Variants in ERCC6L2 observed in about 807,000 individuals in gnomAD.
ERCC6L2 encodes ERCC excision repair 6 like 2.
In ERCC6L2, 77 loss-of-function variants were observed where a neutral mutation model predicts 132.0. The ratio of observed to expected loss-of-function variants is 0.58; its 90% CI spans 0.49 to 0.71. ERCC6L2 has a LOEUF of 0.71. Among genes scored for constraint, ERCC6L2 ranks in the 30% least tolerant of loss-of-function variants. ERCC6L2 has a pLI of 0.00. For missense variants in ERCC6L2, 1,542 were observed against 1,837.6 expected (o/e 0.84, Z 2.94); for synonymous variants, 583 against 632.4 (o/e 0.92, Z 1.17).
intron 12 of ERCC6L2, among the ~76,000 whole-genome samples, chr9:95,946,344 C>T (rs552965776): frequency 3.3e-5 from 5 of 152,128 alleles, no homozygotes; most frequent in East Asian, 3.9e-4. Context: ...CTGGCTAACA[C>T]GGTGAAACCC....
chr9:96,013,041 A>G lies in ERCC6L2; in HGVS notation c.4491A>G (p.Ala1497=), dbSNP rs763512917. Residue 1497 remains alanine, a synonymous_variant, in exon 19 of 19, where the codon GCA becomes GCG. Transcript: ENST00000653738. ...DESLSKLTDL[A]VIETLCEKAP... ...GTCTTAGTAAACTCACAGACTTGGC[A>G]GTAATAGAGACTCTGTGTGAAAAAG... is the stretch of plus-strand genomic sequence containing the variant. The G allele has an allele frequency of 1.5e-6, 2 of 1,367,700 alleles. No individual in the cohort carries two copies. Among genetic ancestry groups the G allele is most frequent in the Non-Finnish European group, 2.0e-6 (2 of 1,021,852 alleles). The allele number at this position is 1,367,700 out of a possible 1,614,324, so 84.7% of individuals were successfully genotyped here. A position where few individuals can be genotyped will look rare whatever the true frequency, so the allele number is the denominator to read the frequency against.
At chr9:95,905,356 G>A (rs1587877185) in intron 3 of ERCC6L2, among the ~76,000 whole-genome samples, 1 of 152,110 alleles carries the variant, frequency 6.6e-6, no homozygotes, top group Non-Finnish European at 1.5e-5. Flanking sequence ...ATGTTTGTAA[G>A]AAATATCAAG....
chr9:95,927,261 A>T (rs1002482506), intron 9 of ERCC6L2, among the ~76,000 whole-genome samples: 1 of 152,086 alleles, frequency 6.6e-6, no homozygotes, highest in Admixed American at 6.6e-5. Context: ...TAAGTGTTAT[A>T]TTGAGTATTT....
chr9:95,950,292 A>G (rs1240364743), intron 12 of ERCC6L2, among the ~76,000 whole-genome samples: 1 of 152,176 alleles, frequency 6.6e-6, no homozygotes, highest in African/African-American at 2.4e-5. Context: ...TAACTTTAGG[A>G]TATTATATGT....
chr9:96,017,811 A>G lies in ERCC6L2; in HGVS notation c.*4608A>G, dbSNP rs55797980. The stretch of plus-strand genomic sequence containing the variant: ...CACGCATATTTGAACATCTGTGTTC[A>G]TAGTGGCATTATTCACAATGGCTAC... On this transcript the variant is annotated 3_prime_UTR_variant, in exon 19 of 19. Coordinates refer to ENST00000653738, the MANE Select transcript of ERCC6L2 (RefSeq NM_020207.7). Among the ~76,000 whole-genome samples, 4,591 of 152,358 alleles carry G rather than the reference A, an allele frequency of 0.03. 97 individuals carry two copies. The highest frequency in any genetic ancestry group is 0.13 in the East Asian group (678 of 5,182).
intron 12 of ERCC6L2, among the ~76,000 whole-genome samples, chr9:95,953,372 C>T (rs1380955503): frequency 6.6e-6 from 1 of 152,026 alleles, no homozygotes; most frequent in Admixed American, 6.6e-5. Flanking sequence ...ATCAGGAGGT[C>T]AAGACCATCC....
chr9:96,005,672 C>T (rs942161664), intron 18 of ERCC6L2, among the ~76,000 whole-genome samples: 4 of 151,486 alleles, frequency 2.6e-5, no homozygotes, highest in African/African-American at 4.9e-5. Flanking sequence ...AGGGTAGGGA[C>T]GCAGGTGGGG....
downstream of ERCC6L2, among the ~76,000 whole-genome samples, chr9:96,018,469 C>T (rs200384591): frequency 1.4e-3 from 124 of 89,626 alleles, no homozygotes; most frequent in East Asian, 2.7e-3. Context: ...CATTGTTTTT[C>T]TTTTTTTGTA....
At chr9:95,878,164 C>CT (rs907621509) in intron 1 of ERCC6L2, among the ~76,000 whole-genome samples, 16 of 152,024 alleles carry the variant, frequency 1.1e-4, no homozygotes, top group Middle Eastern at 3.2e-3. Context: ...TGGTCTGACA[C>CT]TTTTTTTTGT....
intron 17 of ERCC6L2, among the ~76,000 whole-genome samples, chr9:96,001,264 G>A (rs1833666805): frequency 6.6e-6 from 1 of 152,170 alleles, no homozygotes; most frequent in South Asian, 2.1e-4. Flanking sequence ...ACCCGAGCGG[G>A]TTGCCAATGC....
At position 95,916,399 on chromosome 9, in the gene ERCC6L2, C is replaced by T. The variant is rs778815009; in HGVS notation, c.1123C>T (p.Leu375Phe). 5 of 1,591,898 alleles carry T rather than the reference C, an allele frequency of 3.1e-6. No individual in the cohort carries two copies. The highest frequency in any genetic ancestry group is 2.6e-6 in the Non-Finnish European group (3 of 1,173,072). Residue 375 changes from leucine (L) to phenylalanine (F), a missense_variant, in exon 6 of 19, where the codon CTT (leucine) becomes TTT (phenylalanine). Physicochemically the swap from Leu to Phe is conservative, Grantham distance 22 (BLOSUM62 0). Transcript: ENST00000653738. ...SGWFLRRTKT[L>F]IKDQLPKKED... is the part of the protein sequence containing the mutation. ...CTGGTTTCTCAGGCGCACCAAGACT[C>T]TTATCAAGGATCAGTTGCCTAAGAA... is the stretch of plus-strand genomic sequence containing the variant.
At chr9:95,948,463 G>A (rs972662384) in intron 12 of ERCC6L2, among the ~76,000 whole-genome samples, 5 of 152,154 alleles carry the variant, frequency 3.3e-5, no homozygotes, top group Admixed American at 1.3e-4. Context: ...GACCAGCCTG[G>A]CCAACATGGT....
chr9:95,892,654 C>T (rs1828234313), intron 2 of ERCC6L2, among the ~76,000 whole-genome samples: 1 of 152,034 alleles, frequency 6.6e-6, no homozygotes, highest in Non-Finnish European at 1.5e-5. Flanking sequence ...GACTCCTGAC[C>T]TCAAGTGATC....
intron 11 of ERCC6L2, 97 bp downstream of exon 11, chr9:95,928,961 A>G: frequency 4.3e-6 from 4 of 923,812 alleles, no homozygotes; most frequent in Admixed American, 3.0e-5. Context: ...TTTAATGGCT[A>G]TGCTTATTTA....
In ERCC6L2 at chr9:96,012,789, A is replaced by G. The variant is rs759728258; in HGVS notation, c.4239A>G (p.Arg1413=). The G allele has an allele frequency of 1.3e-5, 18 of 1,367,510 alleles. No homozygotes were observed. The highest frequency in any genetic ancestry group is 1.8e-5 in the Non-Finnish European group (18 of 1,021,846). The allele number at this position is 1,367,510 out of a possible 1,614,324, so 84.7% of individuals were successfully genotyped here. A position where few individuals can be genotyped will look rare whatever the true frequency, so the allele number is the denominator to read the frequency against. Residue 1413 remains arginine (R), a synonymous_variant, in exon 19 of 19, where the codon AGA becomes AGG. Transcript: ENST00000653738. ...ACCTCACAAGAACGGGCATTTCAAG[A>G]AAAGAACCCCTTCTCAAATTGGAAA... ...QQDLTRTGIS[R]KEPLLKLENK... is the part of the protein sequence containing the mutation.
chr9:95,891,274 A>T lies in ERCC6L2; in HGVS notation c.472-6575A>T, dbSNP rs373412847. On this transcript the variant is annotated intron_variant, in intron 2 of 18. Transcript: ENST00000653738. The stretch of plus-strand genomic sequence containing the variant: ...TATTTACTGACTTGACACTTTACGT[A>T]CATACTTTTTAACTTTTTTCTAGAA... Among the ~76,000 whole-genome samples the T allele has an allele frequency of 2.6e-4, 40 of 152,318 alleles. 1 individual carries two copies. The Middle Eastern group carries it at 0.014, about 52-fold the overall frequency.
intron 17 of ERCC6L2, among the ~76,000 whole-genome samples, chr9:95,991,839 T>C (rs1192289145): frequency 1.3e-5 from 2 of 152,176 alleles, no homozygotes; most frequent in African/African-American, 4.8e-5. Flanking sequence ...GGGGAAAAGA[T>C]TTACCCAAAG....
At chr9:95,938,094 G>A (rs1000920021) in intron 11 of ERCC6L2, among the ~76,000 whole-genome samples, 2 of 151,144 alleles carry the variant, frequency 1.3e-5, no homozygotes, top group South Asian at 2.1e-4. Flanking sequence ...GAGCTATTTA[G>A]ATGTATGTTG....
At chr9:95,979,416 G>A (rs1832803375) in intron 17 of ERCC6L2, among the ~76,000 whole-genome samples, 1 of 152,168 alleles carries the variant, frequency 6.6e-6, no homozygotes, top group African/African-American at 2.4e-5. Context: ...TGAGTGAAAT[G>A]TTTGTCCTTA....
Sources: gnomAD v4.1 joint callset for allele counts (sites outside exome capture counted in the v4.1 genomes callset) on GRCh38, gnomAD v4.1.1 for gene constraint, MANE v1.5 for transcripts, NCBI Gene and HGNC (gene_info 2026-07-23, HGNC 2026-07-21) for gene names.